The following RAD51B variants were observed in gnomAD, a reference collection of about 807,000 sequenced individuals.
The protein encoded by RAD51B is DNA repair protein RAD51 homolog 2.
A neutral mutation model predicts 42.2 loss-of-function variants in RAD51B; 38 were observed. The ratio of observed to expected loss-of-function variants is 0.90; its 90% CI spans 0.70 to 1.18. The LOEUF is 1.18. RAD51B is among the 50% of genes most tolerant of loss of function. The probability of loss-of-function intolerance (pLI) is 0.00; values close to 1 mark genes in which losing one functional copy is unlikely to be tolerated. For synonymous variants in RAD51B, 154 were observed against 145.2 expected (o/e 1.06, Z -0.43); for missense variants, 373 against 400.7 (o/e 0.93, Z 0.59).
At chr14:68,625,303 C>T (rs1566958341) in intron 10 of RAD51B, among the ~76,000 whole-genome samples, 1 of 152,154 alleles carries the variant, frequency 6.6e-6, no homozygotes, top group African/African-American at 2.4e-5. Context: ...AGAGCAGGGA[C>T]TCTGTCTCCC....
chr14:67,873,832 A>G (rs7156052), intron 5 of RAD51B, among the ~76,000 whole-genome samples: 42,219 of 141,976 alleles, frequency 0.3, 6,711 homozygotes, highest in Middle Eastern at 0.45. Context: ...GTAAACTATC[A>G]CAAGAACAAA....
chr14:68,517,815 T>C (rs1232484174), intron 10 of RAD51B, among the ~76,000 whole-genome samples: 1 of 152,214 alleles, frequency 6.6e-6, no homozygotes, highest in Non-Finnish European at 1.5e-5. Context: ...ATGCTTTTAT[T>C]TGTCCCACTT....
At chr14:68,630,444 C>T (rs1000826143) in intron 10 of RAD51B, among the ~76,000 whole-genome samples, 1 of 152,114 alleles carries the variant, frequency 6.6e-6, no homozygotes, top group African/African-American at 2.4e-5. Context: ...TGACCTCCTT[C>T]CCTGATGAGT....
Position 68,671,658 on chromosome 14 carries a change from T to C in RAD51B, c.*11+20802T>C, listed in dbSNP as rs79200163. On this transcript the variant is annotated intron_variant, in intron 11 of 11. Coordinates refer to the RAD51B transcript ENST00000488612. ...TTGCCTACCATAGACAGTTTAATTA[T>C]TGAAAACCGCCTTGTATGTTCTGTT... is the stretch of plus-strand genomic sequence containing the variant. Among the ~76,000 whole-genome samples, 1,512 of 152,220 alleles carry C rather than the reference T, an allele frequency of 9.9e-3. 17 individuals are homozygous for C. Among genetic ancestry groups the C allele is most frequent in the African/African-American group, 0.034 (1,397 of 41,522 alleles).
At chr14:68,654,697 C>T (rs1892773383) in intron 11 of RAD51B, among the ~76,000 whole-genome samples, 1 of 152,142 alleles carries the variant, frequency 6.6e-6, no homozygotes, top group Non-Finnish European at 1.5e-5. Context: ...TAGGAAGGCC[C>T]CCAACTCTAC....
intron 11 of RAD51B, among the ~76,000 whole-genome samples, chr14:68,662,927 T>G (rs764978668): frequency 3.9e-5 from 6 of 152,194 alleles, no homozygotes; most frequent in Non-Finnish European, 5.9e-5. Flanking sequence ...CCCAGGAAGC[T>G]GACCTTGTGG....
At chr14:68,076,438 A>C (rs921081138) in intron 7 of RAD51B, among the ~76,000 whole-genome samples, 1 of 152,252 alleles carries the variant, frequency 6.6e-6, no homozygotes, top group Non-Finnish European at 1.5e-5. Flanking sequence ...AGGTGATAGG[A>C]TACCTCCTTC....
chr14:68,425,952 C>CTTTCTTTCTTTCTTTCT (rs1566876373), intron 9 of RAD51B, among the ~76,000 whole-genome samples: 1 of 94,416 alleles, frequency 1.1e-5, no homozygotes, highest in East Asian at 2.7e-4. Flanking sequence ...TTCTTTCTTT[C>CTTTCTTTCTTTCTTTCT]TTTCTTTCTT....
At position 67,970,348 on chromosome 14, in the gene RAD51B, G is replaced by C. The variant is rs577437617; in HGVS notation, c.756+83144G>C. ...TTTGTTCTTTTAGGCCAGCAAAAGT[G>C]TTCTATGTTAGGTAGAACAGTGCTA... On this transcript the variant is annotated intron_variant, in intron 7 of 10. Transcript: ENST00000471583. Among the ~76,000 whole-genome samples the C allele has an allele frequency of 1.2e-4, 18 of 152,232 alleles. 1 individual carries two copies. The South Asian group carries it at 3.7e-3, about 32-fold the overall frequency.
intron 8 of RAD51B, chr14:68,339,294 G>T: frequency 1.1e-6 from 1 of 899,430 alleles, no homozygotes; most frequent in Non-Finnish European, 1.8e-6. Flanking sequence ...CTGGTTAATG[G>T]CAGGAGGCAC....
intron 4 of RAD51B, among the ~76,000 whole-genome samples, chr14:67,839,351 C>G (rs1348520369): frequency 6.6e-6 from 1 of 151,846 alleles, no homozygotes; most frequent in African/African-American, 2.4e-5. Context: ...AATTCAATTC[C>G]TTTAATGATT....
intron 8 of RAD51B, among the ~76,000 whole-genome samples, chr14:68,315,811 T>G (rs191650413): frequency 2.6e-5 from 4 of 152,320 alleles, no homozygotes; most frequent in Non-Finnish European, 5.9e-5. Flanking sequence ...CGTGAACCAC[T>G]GCACCCAGCC....
chr14:68,664,031 CAAT>C (rs1892986812), intron 11 of RAD51B, among the ~76,000 whole-genome samples: 1 of 152,180 alleles, frequency 6.6e-6, no homozygotes, highest in Non-Finnish European at 1.5e-5. Context: ...AATACGCTAG[CAAT>C]AAGCTTCAAG....
intron 11 of RAD51B, among the ~76,000 whole-genome samples, chr14:68,668,272 T>C (rs1371261231): frequency 6.6e-6 from 1 of 152,190 alleles, no homozygotes; most frequent in African/African-American, 2.4e-5. Context: ...ATCAGCAAGT[T>C]CTGTCAGTCC....
chr14:68,666,057 G>A (rs763321376), intron 11 of RAD51B, among the ~76,000 whole-genome samples: 15 of 152,266 alleles, frequency 9.9e-5, no homozygotes, highest in Middle Eastern at 3.4e-3. Flanking sequence ...AATCTGAGAG[G>A]TATAGAGCTG....
chr14:68,476,012 G>A (rs1301016866), intron 10 of RAD51B, among the ~76,000 whole-genome samples: 1 of 147,912 alleles, frequency 6.8e-6, no homozygotes, highest in African/African-American at 2.5e-5. Context: ...TGTTCACAAA[G>A]CATGGTGCTC....
intron 11 of RAD51B, among the ~76,000 whole-genome samples, chr14:68,672,535 T>C (rs1471924773): frequency 6.6e-6 from 1 of 152,218 alleles, no homozygotes; most frequent in African/African-American, 2.4e-5. Context: ...TTAAGAACTT[T>C]CTTTCTCTCA....
intron 8 of RAD51B, among the ~76,000 whole-genome samples, chr14:68,314,918 A>C (rs1272000817): frequency 2.0e-5 from 3 of 152,200 alleles, no homozygotes; most frequent in Non-Finnish European, 4.4e-5. Context: ...GACACTTTGC[A>C]TGGGTTCACC....
intron 7 of RAD51B, among the ~76,000 whole-genome samples, chr14:68,235,638 A>G (rs1470378145): frequency 7.6e-6 from 1 of 132,020 alleles, no homozygotes; most frequent in East Asian, 2.4e-4. Context: ...CGGGAGGCGG[A>G]GCTTGCAGTG....
Sources: gnomAD v4.1 joint callset for allele counts (sites outside exome capture counted in the v4.1 genomes callset) on GRCh38, gnomAD v4.1.1 for gene constraint, MANE v1.5 for transcripts, NCBI Gene and HGNC (gene_info 2026-07-23, HGNC 2026-07-21) for gene names.